XKR4: variants seen among roughly 807,000 people sequenced by gnomAD.
XKR4 encodes XK-related protein 4.
A neutral mutation model predicts 53.9 loss-of-function variants in XKR4; 12 were observed. The ratio of observed to expected loss-of-function variants is 0.22; its 90% CI spans 0.14 to 0.36. XKR4 has a LOEUF of 0.36. Ranked by LOEUF, XKR4 falls within the 10% of genes least tolerant of loss-of-function variation. The pLI, the probability that XKR4 is intolerant of heterozygous loss-of-function variation, is 1.00. For missense variants in XKR4, 799 were observed against 859.5 expected (o/e 0.93, Z 0.88); for synonymous variants, 354 against 362.4 (o/e 0.98, Z 0.26).
intron 2 of XKR4, among the ~76,000 whole-genome samples, chr8:55,515,305 G>A (rs1806695854): frequency 6.6e-6 from 1 of 152,186 alleles, no homozygotes; most frequent in African/African-American, 2.4e-5. Context: ...TGGCTTCAGT[G>A]CAGGGATACT....
At chr8:55,476,558 G>A (rs1172084786) in intron 2 of XKR4, among the ~76,000 whole-genome samples, 1 of 65,112 alleles carries the variant, frequency 1.5e-5, no homozygotes, top group African/African-American at 1.1e-4. Flanking sequence ...CAGACAGTGG[G>A]TGCAGCACAC....
At chr8:55,499,343 A>T (rs1223199886) in intron 2 of XKR4, among the ~76,000 whole-genome samples, 2 of 152,164 alleles carry the variant, frequency 1.3e-5, no homozygotes, top group Non-Finnish European at 2.9e-5. Context: ...AATCAATGCA[A>T]CTTTTCTCTC....
chr8:55,246,282 A>T (rs1181151423), intron 1 of XKR4, among the ~76,000 whole-genome samples: 1 of 152,214 alleles, frequency 6.6e-6, no homozygotes, highest in Non-Finnish European at 1.5e-5. Flanking sequence ...TCTGCTCCTC[A>T]GTGCCTCAGG....
chr8:55,445,869 G>A (rs778120428), intron 2 of XKR4, among the ~76,000 whole-genome samples: 1 of 152,202 alleles, frequency 6.6e-6, no homozygotes, highest in Non-Finnish European at 1.5e-5. Context: ...TGTTCAGTAC[G>A]AAGCCTTGCT....
At chr8:55,314,711 C>T (rs1586006032) in intron 1 of XKR4, among the ~76,000 whole-genome samples, 1 of 152,282 alleles carries the variant, frequency 6.6e-6, no homozygotes, top group East Asian at 1.9e-4. Context: ...CACATTAGGG[C>T]AATTGGTAAC....
At chr8:55,459,448 A>T (rs977901088) in intron 2 of XKR4, among the ~76,000 whole-genome samples, 4 of 152,162 alleles carry the variant, frequency 2.6e-5, no homozygotes, top group Non-Finnish European at 5.9e-5. Flanking sequence ...TAAAAATTTT[A>T]AAAATCTGCT....
intron 1 of XKR4, among the ~76,000 whole-genome samples, chr8:55,218,812 A>G (rs991119038): frequency 6.6e-6 from 1 of 152,202 alleles, no homozygotes; most frequent in East Asian, 1.9e-4. Context: ...ACATTTCTCC[A>G]AAAAAGAGCA....
chr8:55,486,685 G>C (rs557042541), intron 2 of XKR4, among the ~76,000 whole-genome samples: 4 of 152,352 alleles, frequency 2.6e-5, no homozygotes, highest in African/African-American at 4.8e-5. Flanking sequence ...TATTTGGATA[G>C]TGGTTGGGGC....
chr8:55,212,390 C>G (rs1817742921), intron 1 of XKR4, among the ~76,000 whole-genome samples: 3 of 152,074 alleles, frequency 2.0e-5, no homozygotes, highest in Admixed American at 6.6e-5. Flanking sequence ...GAGTAAAATA[C>G]TTTGATTTTA....
intron 1 of XKR4, among the ~76,000 whole-genome samples, chr8:55,239,679 T>C (rs967221430): frequency 2.0e-5 from 3 of 152,236 alleles, no homozygotes; most frequent in Admixed American, 6.5e-5. Flanking sequence ...CTCCCATTTC[T>C]ACAATAATTT....
chr8:55,349,732 T>C (rs1251871863), intron 1 of XKR4, among the ~76,000 whole-genome samples: 1 of 152,218 alleles, frequency 6.6e-6, no homozygotes, highest in Non-Finnish European at 1.5e-5. Context: ...ATGCATTTTG[T>C]CCACCCATAT....
rs541462476 is a variant in XKR4, at chr8:55,533,997, C to G, written c.*9770C>G. The G allele has an allele frequency of 5.9e-5, 9 of 152,074 alleles. No individual in the cohort carries two copies. Among genetic ancestry groups the G allele is most frequent in the African/African-American group, 1.9e-4 (8 of 41,468 alleles). 9.4% of individuals were successfully genotyped at this position (152,074 alleles called of 1,614,324 possible). A position where few individuals can be genotyped will look rare whatever the true frequency, so the allele number is the denominator to read the frequency against. On this transcript the variant is annotated 3_prime_UTR_variant, in exon 3 of 3. Coordinates refer to ENST00000327381, the MANE Select transcript of XKR4 (RefSeq NM_052898.2). ...CCGGGGGCTTGCATAGCTCAGAGAA[C>G]GGAGTACTGGGTCGTGGAGACTTGC...
intron 1 of XKR4, among the ~76,000 whole-genome samples, chr8:55,347,135 T>C (rs144089099): frequency 2.0e-4 from 31 of 152,354 alleles, no homozygotes; most frequent in African/African-American, 7.0e-4. Context: ...GTACTAGCTA[T>C]GTGATCTTTG....
At position 55,116,772 on chromosome 8, in the gene XKR4, G is replaced by T. The variant is rs144958275; in HGVS notation, c.806+13478G>T. Among the ~76,000 whole-genome samples the T allele has an allele frequency of 8.1e-3, 1,238 of 152,248 alleles. 18 individuals carry two copies. The highest frequency in any genetic ancestry group is 0.028 in the African/African-American group (1,170 of 41,536). ...GGGTTCCCTCCCCCATCTATGTGCT[G>T]GGAGGTGATTTTTTGGTTCAGTGTT... On this transcript the variant is annotated intron_variant, in intron 1 of 2. Coordinates refer to ENST00000327381, the MANE Select transcript of XKR4 (RefSeq NM_052898.2).
chr8:55,322,537 T>A (rs559897932), intron 1 of XKR4, among the ~76,000 whole-genome samples: 19 of 152,236 alleles, frequency 1.2e-4, no homozygotes, highest in Middle Eastern at 3.2e-3. Context: ...ATTTCTAAAT[T>A]TGCCTGATAT....
intron 1 of XKR4, among the ~76,000 whole-genome samples, chr8:55,322,333 C>T (rs1257506593): frequency 6.6e-6 from 1 of 152,130 alleles, no homozygotes; most frequent in Non-Finnish European, 1.5e-5. Context: ...TTCTTATGTC[C>T]ATATGTATTT....
rs186201810 is a variant in XKR4, at chr8:55,452,452, C to G, written c.1007-70829C>G. On this transcript the variant is annotated intron_variant, in intron 2 of 2. Transcript: ENST00000327381. ...GGCCACCCCGCACTGCCCGCCCTCG[C>G]ACCCTCCTCACGCCCATCCGGTGGC... 1.7e-4 allele frequency: 106 copies of G among 627,544 alleles called. 1 individual carries two copies. In the East Asian group the frequency reaches 2.5e-3, roughly 15 times the overall value. The allele number at this position is 627,544 out of a possible 1,614,324, so 38.9% of individuals were successfully genotyped here.
chr8:55,224,906 C>A (rs555276325), intron 1 of XKR4, among the ~76,000 whole-genome samples: 52 of 152,186 alleles, frequency 3.4e-4, no homozygotes, highest in Admixed American at 3.0e-3. Context: ...TTCAGAAGCA[C>A]TAAAGGGGTT....
At position 55,524,840 on chromosome 8, in the gene XKR4, CAT is replaced by C. The variant is rs1289336956; in HGVS notation, c.*614_*615del. The C allele has an allele frequency of 6.5e-6, 1 of 152,702 alleles. No homozygotes were observed. Among genetic ancestry groups the C allele is most frequent in the African/African-American group, 2.4e-5 (1 of 41,450 alleles). 9.5% of individuals were successfully genotyped at this position (152,702 alleles called of 1,614,324 possible). A position where few individuals can be genotyped will look rare whatever the true frequency, so the allele number is the denominator to read the frequency against. ...ACAGCAAACCCAAATGTTGTCTACA[CAT>C]GTGTTAGCATTGATGGAGTGGTTCA... On this transcript the variant is annotated 3_prime_UTR_variant, in exon 3 of 3. Transcript: ENST00000327381.
Sources: allele counts gnomAD v4.1 joint callset (sites outside exome capture counted in the v4.1 genomes callset), GRCh38; gene constraint gnomAD v4.1.1; transcripts MANE v1.5; gene names NCBI Gene and HGNC (gene_info 2026-07-23, HGNC 2026-07-21).